ASB5: variants seen among roughly 807,000 people sequenced by gnomAD.
ASB5 encodes ankyrin repeat and SOCS box protein 5.
Under a neutral mutation model 42.1 loss-of-function variants are expected in ASB5, and 45 were observed. The ratio of observed to expected loss-of-function variants is 1.07; its 90% CI spans 0.84 to 1.37. The LOEUF is 1.37. Among genes scored for constraint, ASB5 ranks in the 40% most tolerant of loss-of-function variants. The pLI, the probability that ASB5 is intolerant of heterozygous loss-of-function variation, is 0.00. For synonymous variants in ASB5, 147 were observed against 150.6 expected, an observed-to-expected ratio of 0.98 and a Z score of 0.18; for missense variants, 402 against 399.8, an observed-to-expected ratio of 1.01 and a Z score of -0.05.
intron 5 of ASB5, among the ~76,000 whole-genome samples, 156 bp from the exon 6 acceptor site, chr4:176,217,165 T>C (rs527421876): frequency 1.3e-5 from 2 of 152,294 alleles, no homozygotes; most frequent in East Asian, 3.9e-4. Flanking sequence ...ACATATACAG[T>C]ATCTACATAC....
chr4:176,243,851 G>A (rs2128423), intron 1 of ASB5, among the ~76,000 whole-genome samples: 4,500 of 152,102 alleles, frequency 0.03, 233 homozygotes, highest in African/African-American at 0.1. Context: ...TAGCAACAGC[G>A]CTTTAAGTTA....
At chr4:176,223,925 C>T (rs1753296325) in intron 2 of ASB5, among the ~76,000 whole-genome samples, 1 of 152,120 alleles carries the variant, frequency 6.6e-6, no homozygotes, top group Non-Finnish European at 1.5e-5. Context: ...TTGTTGACCC[C>T]TTTTTAGTGT....
chr4:176,271,475 TA>T (rs1346921429), upstream of ASB5, among the ~76,000 whole-genome samples: 1 of 152,208 alleles, frequency 6.6e-6, no homozygotes, highest in Non-Finnish European at 1.5e-5. Context: ...CTTACTGAGA[TA>T]AATGTTTTTA....
chr4:176,222,780 T>C (rs1753257406), intron 2 of ASB5, among the ~76,000 whole-genome samples: 1 of 152,158 alleles, frequency 6.6e-6, no homozygotes, highest in Non-Finnish European at 1.5e-5. Flanking sequence ...TGTTGTTTTG[T>C]TTTTGTTTTT....
intron 1 of ASB5, among the ~76,000 whole-genome samples, chr4:176,235,390 G>T (rs889279907): frequency 6.6e-6 from 1 of 151,940 alleles, no homozygotes; most frequent in African/African-American, 2.4e-5. Flanking sequence ...CTTTTTTCTA[G>T]AAACACACAT....
chr4:176,269,970 A>G (rs1019140564), upstream of ASB5, among the ~76,000 whole-genome samples: 26 of 152,232 alleles, frequency 1.7e-4, no homozygotes, highest in Non-Finnish European at 1.5e-4. Context: ...GCATTTCATC[A>G]AGACTGTCCA....
intron 1 of ASB5, among the ~76,000 whole-genome samples, chr4:176,254,381 C>T (rs1475350806): frequency 6.6e-6 from 1 of 152,128 alleles, no homozygotes; most frequent in Non-Finnish European, 1.5e-5. Context: ...AAACTGGACC[C>T]CTTCCTTACA....
At chr4:176,220,849 T>G (rs1340248521) in intron 5 of ASB5, among the ~76,000 whole-genome samples, 6 of 152,214 alleles carry the variant, frequency 3.9e-5, no homozygotes, top group Non-Finnish European at 7.3e-5. Context: ...GATCCTAATT[T>G]TATGATAAAA....
At chr4:176,249,125 C>A (rs1042473997) in intron 1 of ASB5, among the ~76,000 whole-genome samples, 1 of 152,124 alleles carries the variant, frequency 6.6e-6, no homozygotes, top group Non-Finnish European at 1.5e-5. Context: ...GGCCACCACA[C>A]CCGACTAATT....
At chr4:176,254,658 A>G (rs1321048749) in intron 1 of ASB5, among the ~76,000 whole-genome samples, 1 of 152,180 alleles carries the variant, frequency 6.6e-6, no homozygotes, top group African/African-American at 2.4e-5. Flanking sequence ...TGCATCTAAC[A>G]AAAAGGTCTA....
At chr4:176,227,383 G>C (rs1753409395) in intron 1 of ASB5, among the ~76,000 whole-genome samples, 1 of 152,188 alleles carries the variant, frequency 6.6e-6, no homozygotes, top group Non-Finnish European at 1.5e-5. Flanking sequence ...AGAAAATTCT[G>C]TAATATTACC....
chr4:176,229,440 T>C (rs184427327), intron 1 of ASB5, among the ~76,000 whole-genome samples: 3 of 152,340 alleles, frequency 2.0e-5, no homozygotes, highest in Admixed American at 2.0e-4. Flanking sequence ...ACTAATGTGT[T>C]TGTTCATCAA....
intron 1 of ASB5, 29 bp from the exon 2 acceptor site, chr4:176,225,370 G>T (rs770193981): frequency 1.3e-6 from 2 of 1,591,280 alleles, no homozygotes; most frequent in African/African-American, 1.4e-5. Context: ...AGAAAGAAAA[G>T]AAAACAAAAA....
intron 1 of ASB5, among the ~76,000 whole-genome samples, chr4:176,276,934 T>G (rs144059067): frequency 2.0e-5 from 3 of 152,174 alleles, no homozygotes; most frequent in Non-Finnish European, 4.4e-5. Context: ...AAAATCAGGA[T>G]AAGTCAGCAG....
At chr4:176,271,988 C>A (rs1431082576), upstream of ASB5, among the ~76,000 whole-genome samples, 1 of 151,980 alleles carries the variant, frequency 6.6e-6, no homozygotes, top group African/African-American at 2.4e-5. Flanking sequence ...CCACCCACGA[C>A]ACACACAGAA....
At chr4:176,223,869 C>G (rs1469710289) in intron 2 of ASB5, among the ~76,000 whole-genome samples, 1 of 152,192 alleles carries the variant, frequency 6.6e-6, no homozygotes, top group African/African-American at 2.4e-5. Context: ...GACTGCTCTT[C>G]TTCAAAGAAC....
chr4:176,251,829 A>T (rs1486733431), intron 1 of ASB5, among the ~76,000 whole-genome samples: 1 of 151,680 alleles, frequency 6.6e-6, no homozygotes, highest in Non-Finnish European at 1.5e-5. Context: ...CATTAGGCGG[A>T]GGCGGGAGGA....
rs766737106 is a variant in ASB5 at position 176,215,269 on chromosome 4, A to G, written c.*331T>C. On this transcript the variant is annotated 3_prime_UTR_variant, in exon 7 of 7. Coordinates refer to ENST00000296525, the MANE Select transcript of ASB5 (RefSeq NM_080874.4). ...TTGAAGAACATAGACCTTTTTAAAT[A>G]TAATATGAATAACTTTACTAGGAGC... 14 of 163,306 alleles carry G rather than the reference A, an allele frequency of 8.6e-5. No individual in the cohort carries two copies. Among genetic ancestry groups the G allele is most frequent in the African/African-American group, 1.2e-4 (5 of 41,864 alleles). 10.1% of individuals were successfully genotyped at this position (163,306 alleles called of 1,614,324 possible). A position where few individuals can be genotyped will look rare whatever the true frequency, so the allele number is the denominator to read the frequency against.
chr4:176,238,074 T>C (rs1246168199), intron 1 of ASB5, among the ~76,000 whole-genome samples: 1 of 151,890 alleles, frequency 6.6e-6, no homozygotes, highest in East Asian at 1.9e-4. Flanking sequence ...ATACAAAAAT[T>C]AGCTGGACAT....
Sources: allele counts gnomAD v4.1 joint callset (sites outside exome capture counted in the v4.1 genomes callset), GRCh38; gene constraint gnomAD v4.1.1; transcripts MANE v1.5; gene names NCBI Gene and HGNC (gene_info 2026-07-23, HGNC 2026-07-21).